The following SMARCE1 variants were observed in gnomAD, a reference collection of about 807,000 sequenced individuals.
SMARCE1 encodes the protein SWI/SNF related BAF chromatin remodeling complex subunit E1.
A neutral mutation model predicts 54.9 loss-of-function variants in SMARCE1; 13 were observed. That is an observed-to-expected ratio of 0.24 (90% CI 0.15 to 0.38). The LOEUF is 0.38. Ranked by LOEUF, SMARCE1 falls within the 10% of genes least tolerant of loss-of-function variation. SMARCE1 has a pLI of 1.00. For synonymous variants in SMARCE1, 151 were observed against 175.3 expected (o/e 0.86, Z 1.10); for missense variants, 295 against 523.8 (o/e 0.56, Z 4.26).
At chr17:40,632,109 T>C in intron 8 of SMARCE1, 86 bp downstream of exon 8, 1 of 1,036,860 alleles carries the variant, frequency 9.6e-7, no homozygotes, top group Non-Finnish European at 1.4e-6. Context: ...ATTTAACAGG[T>C]AGATTTAGGC....
In SMARCE1 at chr17:40,630,020, G is replaced by T. The variant is rs777038497; in HGVS notation, c.1027+694C>A. ...TACTGTCCCTCCCACTTCTTGCAAC[G>T]ATGCTCCAGGAAGCCTTTGGTTTTG... On this transcript the variant is annotated intron_variant, in intron 10 of 10. Coordinates refer to ENST00000348513, the MANE Select transcript of SMARCE1 (RefSeq NM_003079.5). The T allele has an allele frequency of 7.0e-6, 3 of 430,014 alleles. No individual in the cohort carries two copies. In the Admixed American group the frequency reaches 1.2e-4, roughly 18 times the overall value. The allele number at this position is 430,014 out of a possible 1,614,324, so 26.6% of individuals were successfully genotyped here.
At chr17:40,630,254 G>C in intron 10 of SMARCE1, 1 of 1,546,374 alleles carries the variant, frequency 6.5e-7, no homozygotes, top group Non-Finnish European at 8.8e-7. Context: ...CTAGAAGTAA[G>C]GGTTTTTCTA....
chr17:40,634,852 T>G (rs2037130239), intron 7 of SMARCE1: 1 of 152,238 alleles, frequency 6.6e-6, no homozygotes, highest in African/African-American at 2.4e-5. Flanking sequence ...TCTCTTGCAT[T>G]AATCACCCCA....
rs1204098407 is a variant in SMARCE1, at chr17:40,642,605, A to C, written c.52-46T>G. On this transcript the variant is annotated intron_variant, in intron 3 of 10. Transcript: ENST00000348513. This position sits in a 1 kb window ranked among gnomAD's most constrained non-coding sequence, Gnocchi z 4.6. ...AAAAACACGAATGAGAAATGAGCTC[A>C]AACGAGGAAAACACAGAAATGAAAA... The C allele has an allele frequency of 1.7e-6, 2 of 1,148,310 alleles. No individual in the cohort carries two copies. The highest frequency in any genetic ancestry group is 1.3e-5 in the South Asian group (1 of 78,412). 71.1% of individuals were successfully genotyped at this position (1,148,310 alleles called of 1,614,324 possible).
chr17:40,642,215 G>A lies in SMARCE1; in HGVS notation c.156+240C>T, dbSNP rs894368938. On this transcript the variant is annotated intron_variant, in intron 4 of 10. Coordinates refer to ENST00000348513, the MANE Select transcript of SMARCE1 (RefSeq NM_003079.5). The surrounding 1 kb of genome is among the most constrained non-coding windows in gnomAD (Gnocchi z 4.6). Reference sequence around the variant, plus strand: ...ACAGTATAAGCATCAAGTGCTCAAGGCTTTAACCCTACCAACCACCAAACA... The same window carrying A: ...ACAGTATAAGCATCAAGTGCTCAAGACTTTAACCCTACCAACCACCAAACA... The A allele has an allele frequency of 4.9e-6, 3 of 609,828 alleles. No homozygotes were observed. The highest frequency in any genetic ancestry group is 3.7e-5 in the African/African-American group (2 of 53,886). 37.8% of individuals were successfully genotyped at this position (609,828 alleles called of 1,614,324 possible).
At chr17:40,631,549 C>G in intron 9 of SMARCE1, 43 bp downstream of exon 9, 1 of 957,490 alleles carries the variant, frequency 1.0e-6, no homozygotes, top group Non-Finnish European at 1.6e-6. Context: ...AATAAAGTAA[C>G]AGGTATAGTG....
chr17:40,644,231 T>C (rs1295960941), intron 3 of SMARCE1: 1 of 152,070 alleles, frequency 6.6e-6, no homozygotes, highest in African/African-American at 2.4e-5. Context: ...TTTGTCAAGA[T>C]GATGCATTGT....
rs1053570929 is a variant in SMARCE1 at position 40,631,908 on chromosome 17, A to G, written c.715-215T>C. ...CAGGCCTGAGCAATTCCTTGGGAAA[A>G]AATATTTAGCATAGCAGTAAAGATT... is the stretch of plus-strand genomic sequence containing the variant. On this transcript the variant is annotated intron_variant, in intron 8 of 10. Coordinates refer to ENST00000348513, the MANE Select transcript of SMARCE1 (RefSeq NM_003079.5). The G allele has an allele frequency of 1.1e-4, 58 of 548,630 alleles. 1 individual carries two copies. In the Admixed American group the frequency reaches 1.4e-3, roughly 14 times the overall value. 34.0% of individuals were successfully genotyped at this position (548,630 alleles called of 1,614,324 possible). A position where few individuals can be genotyped will look rare whatever the true frequency, so the allele number is the denominator to read the frequency against.
At chr17:40,629,105 T>C in intron 10 of SMARCE1, 112 bp from the exon 11 acceptor site, 1 of 821,744 alleles carries the variant, frequency 1.2e-6, no homozygotes, top group Non-Finnish European at 2.0e-6. Context: ...CATGTGGTTA[T>C]TAAACCCCTG....
rs747351773 is a variant in SMARCE1 at position 40,628,777 on chromosome 17, G to A, written c.*8C>T. ...AAAGTATTTAGAACACACAAAACAA[G>A]GCAACACTTATTCTTTTTTCTCATC... On this transcript the variant is annotated 3_prime_UTR_variant, in exon 11 of 11. Coordinates refer to ENST00000348513, the MANE Select transcript of SMARCE1 (RefSeq NM_003079.5). 4 of 1,604,834 alleles carry A rather than the reference G, an allele frequency of 2.5e-6. No individual in the cohort carries two copies. The highest frequency in any genetic ancestry group is 3.4e-6 in the Non-Finnish European group (4 of 1,172,122).
chr17:40,643,867 G>C (rs904700758), intron 3 of SMARCE1: 4 of 152,282 alleles, frequency 2.6e-5, no homozygotes, highest in Non-Finnish European at 5.9e-5. Flanking sequence ...CGCAAATAAA[G>C]CATATTTAAG....
chr17:40,628,694 AAATT>A lies in SMARCE1; in HGVS notation c.*87_*90del. 1 of 1,078,318 alleles carries A rather than the reference AAATT, an allele frequency of 9.3e-7. No homozygotes were observed. Among genetic ancestry groups the A allele is most frequent in the Non-Finnish European group, 1.4e-6 (1 of 725,270 alleles). The allele number at this position is 1,078,318 out of a possible 1,614,324, so 66.8% of individuals were successfully genotyped here. ...GGTGGTGTGATATGGACAAGAAAAAAAATTAATACACAAACCACGTAACACCATT... is the reference window on the plus strand; with the variant it reads ...GGTGGTGTGATATGGACAAGAAAAAAAATACACAAACCACGTAACACCATT... On this transcript the variant is annotated 3_prime_UTR_variant, in exon 11 of 11. Transcript: ENST00000348513.
In SMARCE1 at chr17:40,642,379, A is replaced by G. The variant is rs2037208006; in HGVS notation, c.156+76T>C. On this transcript the variant is annotated intron_variant, in intron 4 of 10. Transcript: ENST00000348513. This position sits in a 1 kb window ranked among gnomAD's most constrained non-coding sequence, Gnocchi z 4.6. ...TTTTAAATGGCTGTGCTTATGATTC[A>G]AAAAGACCTAATTCTGAAGGCATTT... The G allele has an allele frequency of 2.1e-6, 2 of 970,298 alleles. No homozygotes were observed. The highest frequency in any genetic ancestry group is 1.7e-5 in the Admixed American group (1 of 58,894). 60.1% of individuals were successfully genotyped at this position (970,298 alleles called of 1,614,324 possible). A position where few individuals can be genotyped will look rare whatever the true frequency, so the allele number is the denominator to read the frequency against.
At chr17:40,644,163 A>G (rs1171592533) in intron 3 of SMARCE1, 1 of 152,246 alleles carries the variant, frequency 6.6e-6, no homozygotes, top group East Asian at 1.9e-4. Flanking sequence ...CTTTTTATGC[A>G]TAATAAATTA....
intron 4 of SMARCE1, among the ~76,000 whole-genome samples, chr17:40,639,417 T>C (rs1265686346): frequency 1.3e-5 from 2 of 152,178 alleles, no homozygotes; most frequent in East Asian, 3.9e-4. Flanking sequence ...CTGTCAAAAT[T>C]TTTTGAAATT....
chr17:40,644,604 T>C (rs1217207170), intron 3 of SMARCE1: 1 of 152,198 alleles, frequency 6.6e-6, no homozygotes, highest in Non-Finnish European at 1.5e-5. Context: ...TATGGTACGG[T>C]ATCTCTTTTC....
chr17:40,646,206 C>A (rs930404246), intron 1 of SMARCE1, among the ~76,000 whole-genome samples: 5 of 152,164 alleles, frequency 3.3e-5, no homozygotes, highest in African/African-American at 1.2e-4. Flanking sequence ...TCCAACGCAA[C>A]AAGGCCTACC....
At chr17:40,637,359 A>T in intron 5 of SMARCE1, 133 bp downstream of exon 5, 1 of 754,560 alleles carries the variant, frequency 1.3e-6, no homozygotes, top group Non-Finnish European at 2.4e-6. Context: ...TAATTGCTTT[A>T]AAAACCGTAT....
In SMARCE1 at chr17:40,626,292, T is replaced by C. The variant is rs2143975868; in HGVS notation, c.*2493A>G. On this transcript the variant is annotated 3_prime_UTR_variant, in exon 11 of 11. Coordinates refer to ENST00000348513, the MANE Select transcript of SMARCE1 (RefSeq NM_003079.5). ...CATTTGTTAAAAAAAATTAACAAAA[T>C]TTAGGCCCTCAGACTTTATGCATTC... 6.6e-6 allele frequency: 1 copy of C among 152,142 alleles called. No individual in the cohort carries two copies. The highest frequency in any genetic ancestry group is 1.9e-4 in the East Asian group (1 of 5,186). 9.4% of individuals were successfully genotyped at this position (152,142 alleles called of 1,614,324 possible).
Sources: allele counts gnomAD v4.1 joint callset (sites outside exome capture counted in the v4.1 genomes callset), GRCh38; gene constraint gnomAD v4.1.1; non-coding constraint Gnocchi (gnomAD v3.1); transcripts MANE v1.5; gene names NCBI Gene and HGNC (gene_info 2026-07-23, HGNC 2026-07-21).